Variants in TGFBR1 observed in about 807,000 individuals in gnomAD.
The protein encoded by TGFBR1 is transforming growth factor beta receptor 1.
A neutral mutation model predicts 55.1 loss-of-function variants in TGFBR1; 20 were observed. The ratio of observed to expected loss-of-function variants is 0.36; its 90% CI spans 0.26 to 0.53. The LOEUF is 0.53. TGFBR1 is among the 20% of genes least tolerant of loss of function. The pLI, the probability that TGFBR1 is intolerant of heterozygous loss-of-function variation, is 0.91. For synonymous variants in TGFBR1, 220 were observed against 214.8 expected (o/e 1.02, Z -0.21); for missense variants, 385 against 617.6 (o/e 0.62, Z 3.99).
chr9:99,149,245 A>C lies in TGFBR1; in HGVS notation c.1452A>C (p.Thr484=). The C allele has an allele frequency of 6.2e-7, 1 of 1,613,934 alleles. No homozygotes were observed. Among genetic ancestry groups the C allele is most frequent in the South Asian group, 1.1e-5 (1 of 91,084 alleles). The change falls in exon 9 of 9, where the codon ACA becomes ACC. Residue 484 remains threonine (T), a synonymous_variant. Transcript: ENST00000374994. The stretch of plus-strand genomic sequence containing the variant: ...ATGCCAATGGAGCAGCTAGGCTTAC[A>C]GCATTGCGGATTAAGAAAACATTAT... ...CWYANGAARL[T]ALRIKKTLSQ...
upstream of TGFBR1, chr9:99,105,007 C>A: frequency 6.0e-6 from 2 of 331,364 alleles, no homozygotes; most frequent in Non-Finnish European, 9.1e-6. Flanking sequence ...CGGCTGGGTC[C>A]CGCTTGGCAG....
intron 2 of TGFBR1, among the ~76,000 whole-genome samples, chr9:99,129,372 C>A (rs1217441500): frequency 2.0e-5 from 3 of 152,202 alleles, no homozygotes; most frequent in African/African-American, 7.2e-5. Context: ...ACAAAGCCCA[C>A]AACAACATCT....
chr9:99,127,705 A>G (rs1176603128), intron 1 of TGFBR1: 2 of 347,156 alleles, frequency 5.8e-6, no homozygotes, highest in Non-Finnish European at 1.1e-5. Flanking sequence ...GGTAGAGTGG[A>G]CCTTGCTGTT....
chr9:99,128,841 TTC>T lies in TGFBR1; in HGVS notation c.98-10_98-9del, dbSNP rs1346996379. The T allele has an allele frequency of 3.7e-6, 6 of 1,613,380 alleles. No individual in the cohort carries two copies. In the Admixed American group the frequency reaches 5.0e-5, roughly 13 times the overall value. On this transcript the variant is annotated splice_polypyrimidine_tract_variant and intron_variant, in intron 1 of 8. Transcript: ENST00000374994. Reference sequence around the variant, plus strand: ...ACCTTGAGATTTTTTCTAAGAATCTTTCTCTTTTTCCAGCGTTACAGTGTTTC... The same window carrying T: ...ACCTTGAGATTTTTTCTAAGAATCTTTCTTTTTCCAGCGTTACAGTGTTTC...
intron 1 of TGFBR1, 70 bp from the exon 2 acceptor site, chr9:99,128,785 A>T: frequency 6.4e-7 from 1 of 1,573,902 alleles, no homozygotes; most frequent in Non-Finnish European, 8.7e-7. Flanking sequence ...ATGTATTATT[A>T]GAGTGAATAT....
At chr9:99,112,239 T>C (rs1235307582) in intron 1 of TGFBR1, among the ~76,000 whole-genome samples, 2 of 152,142 alleles carry the variant, frequency 1.3e-5, no homozygotes, top group Non-Finnish European at 2.9e-5. Flanking sequence ...CTGTATGACA[T>C]TTGAAACAAA....
At chr9:99,137,678 A>G (rs992683839) in intron 3 of TGFBR1, among the ~76,000 whole-genome samples, 181 bp from the exon 4 acceptor site, 1 of 152,138 alleles carries the variant, frequency 6.6e-6, no homozygotes, top group Non-Finnish European at 1.5e-5. Flanking sequence ...TATATTTATT[A>G]TCTTATTTTC....
At chr9:99,105,079 G>T (rs1338240345), upstream of TGFBR1, 4 of 701,212 alleles carry the variant, frequency 5.7e-6, no homozygotes, top group South Asian at 1.3e-4. Context: ...CGCGTCCTCC[G>T]AGCAGTTACA....
chr9:99,113,150 G>T (rs1564130138), intron 1 of TGFBR1, among the ~76,000 whole-genome samples: 1 of 152,158 alleles, frequency 6.6e-6, no homozygotes, highest in Non-Finnish European at 1.5e-5. Context: ...GTGATCTTCT[G>T]GTTGTATTGA....
At chr9:99,119,074 T>C (rs1826830230) in intron 1 of TGFBR1, among the ~76,000 whole-genome samples, 1 of 152,216 alleles carries the variant, frequency 6.6e-6, no homozygotes, top group South Asian at 2.1e-4. Flanking sequence ...CTACACAGGT[T>C]ACATTCACTG....
chr9:99,106,582 G>T (rs1476489489), intron 1 of TGFBR1, among the ~76,000 whole-genome samples: 4 of 152,172 alleles, frequency 2.6e-5, no homozygotes, highest in Non-Finnish European at 5.9e-5. Flanking sequence ...CAGGAGTAGT[G>T]GCATTTGCCC....
chr9:99,117,060 T>C (rs1826766897), intron 1 of TGFBR1, among the ~76,000 whole-genome samples: 1 of 152,210 alleles, frequency 6.6e-6, no homozygotes, highest in South Asian at 2.1e-4. Flanking sequence ...ATTTAACTGC[T>C]TTGCTTTGGT....
At chr9:99,146,433 A>G (rs1216617086) in intron 6 of TGFBR1, 52 bp from the exon 7 acceptor site, 3 of 1,611,364 alleles carry the variant, frequency 1.9e-6, no homozygotes, top group South Asian at 1.1e-5. Flanking sequence ...GTTCATCCAA[A>G]TATGGCAGTA....
rs928180 is a variant in TGFBR1, at chr9:99,135,450, A to C, written c.575-2409A>C. On this transcript the variant is annotated intron_variant, in intron 3 of 8. Coordinates refer to ENST00000374994, the MANE Select transcript of TGFBR1 (RefSeq NM_004612.4). Reference sequence around the variant, plus strand: ...TATAAGCATTTCACATTCTGAATTCATATGTTTATTACTTAGTACCGTGAC... The same window carrying C: ...TATAAGCATTTCACATTCTGAATTCCTATGTTTATTACTTAGTACCGTGAC... 8.5e-5 allele frequency among the ~76,000 whole-genome samples: 13 copies of C among 152,266 alleles called. No homozygotes were observed. The East Asian group carries it at 2.3e-3, about 27-fold the overall frequency.
intron 1 of TGFBR1, among the ~76,000 whole-genome samples, chr9:99,113,178 T>C (rs973565411): frequency 6.6e-6 from 1 of 152,224 alleles, no homozygotes; most frequent in Non-Finnish European, 1.5e-5. Context: ...CTTCAGACAG[T>C]GCTGCTTTCT....
chr9:99,128,788 G>A (rs1456386564), intron 1 of TGFBR1, 67 bp from the exon 2 acceptor site: 2 of 1,582,908 alleles, frequency 1.3e-6, no homozygotes, highest in Non-Finnish European at 1.7e-6. Flanking sequence ...TATTATTAGA[G>A]TGAATATTGG....
At chr9:99,121,338 G>T (rs1826892783) in intron 1 of TGFBR1, among the ~76,000 whole-genome samples, 1 of 152,178 alleles carries the variant, frequency 6.6e-6, no homozygotes, top group Non-Finnish European at 1.5e-5. Flanking sequence ...AGGATAGTAG[G>T]CTGGAGGGAA....
Position 99,151,957 on chromosome 9 carries a change from G to A in TGFBR1, c.*2652G>A, listed in dbSNP as rs199515707. 6 of 197,860 alleles carry A rather than the reference G, an allele frequency of 3.0e-5. No individual in the cohort carries two copies. Among genetic ancestry groups the A allele is most frequent in the Admixed American group, 2.4e-4 (4 of 16,502 alleles). The allele number at this position is 197,860 out of a possible 1,614,324, so 12.3% of individuals were successfully genotyped here. On this transcript the variant is annotated 3_prime_UTR_variant, in exon 9 of 9. Coordinates refer to ENST00000374994, the MANE Select transcript of TGFBR1 (RefSeq NM_004612.4). ...TAAAACATCTTCTGGTAAATTGTGC[G>A]TCCATATTCATTTTGTCAGTAGCCA...
intron 1 of TGFBR1, among the ~76,000 whole-genome samples, chr9:99,126,316 TG>T (rs1827041733): frequency 1.3e-5 from 2 of 152,198 alleles, no homozygotes; most frequent in South Asian, 4.1e-4. Flanking sequence ...AGGGGAGCCA[TG>T]GTGATCTGAG....
Sources: gnomAD v4.1 joint callset for allele counts (sites outside exome capture counted in the v4.1 genomes callset) on GRCh38, gnomAD v4.1.1 for gene constraint, MANE v1.5 for transcripts, NCBI Gene and HGNC (gene_info 2026-07-23, HGNC 2026-07-21) for gene names.